SLC44A5: variants seen among roughly 807,000 people sequenced by gnomAD.
SLC44A5 encodes the protein choline transporter-like protein 5.
SLC44A5 carries 57 observed loss-of-function variants against 101.8 expected under a neutral mutation model. That is an observed-to-expected ratio of 0.56 (90% confidence interval 0.45 to 0.70). SLC44A5 has a LOEUF of 0.70. Ranked by LOEUF, SLC44A5 falls within the 30% of genes least tolerant of loss-of-function variation. The pLI is 0.00. For missense variants in SLC44A5, 737 were observed against 853.1 expected, an observed-to-expected ratio of 0.86 and a Z score of 1.70; for synonymous variants, 281 against 290.9, an observed-to-expected ratio of 0.97 and a Z score of 0.35.
chr1:75,240,446 A>C (rs1648514704), intron 9 of SLC44A5, among the ~76,000 whole-genome samples: 6 of 152,128 alleles, frequency 3.9e-5, no homozygotes, highest in Non-Finnish European at 1.5e-5. Flanking sequence ...CCCAAGGTAT[A>C]CTTTATCCTG....
At chr1:75,571,341 A>T (rs945305691) in intron 1 of SLC44A5, among the ~76,000 whole-genome samples, 1 of 152,204 alleles carries the variant, frequency 6.6e-6, no homozygotes, top group African/African-American at 2.4e-5. Flanking sequence ...AACACAGAGG[A>T]TATATCCAGA....
At chr1:75,222,326 A>G in intron 14 of SLC44A5, 35 bp downstream of exon 14, 2 of 1,452,978 alleles carry the variant, frequency 1.4e-6, no homozygotes, top group Non-Finnish European at 1.9e-6. Flanking sequence ...ACTGACTGAT[A>G]CACTTTAGCT....
chr1:75,526,709 T>C (rs1229231085), intron 2 of SLC44A5, among the ~76,000 whole-genome samples: 1 of 152,208 alleles, frequency 6.6e-6, no homozygotes, highest in Non-Finnish European at 1.5e-5. Flanking sequence ...GCCTTTAATA[T>C]GCAATTAAGA....
At chr1:75,352,478 A>T (rs115473011) in intron 3 of SLC44A5, among the ~76,000 whole-genome samples, 4,180 of 152,150 alleles carry the variant, frequency 0.027, 173 homozygotes, top group African/African-American at 0.089. Flanking sequence ...AACATGAGCA[A>T]GAGACTTGGA....
intron 1 of SLC44A5, among the ~76,000 whole-genome samples, chr1:75,575,655 T>G (rs537138190): frequency 6.6e-6 from 1 of 152,308 alleles, no homozygotes; most frequent in South Asian, 2.1e-4. Context: ...CTATCCTACT[T>G]AATACAGAGG....
the SLC44A5 span, among the ~76,000 whole-genome samples, chr1:75,672,724 C>G: frequency 6.6e-6 from 1 of 152,056 alleles, no homozygotes; most frequent in African/African-American, 2.4e-5. Context: ...AGAGAAGGGA[C>G]AGTAAAGAGA....
intron 6 of SLC44A5, among the ~76,000 whole-genome samples, chr1:75,273,099 G>T (rs569237017): frequency 6.6e-6 from 1 of 152,078 alleles, no homozygotes; most frequent in South Asian, 2.1e-4. Context: ...CTTTCACCTT[G>T]TTGGTTAAGT....
the SLC44A5 span, among the ~76,000 whole-genome samples, chr1:75,661,890 G>C: frequency 6.6e-6 from 1 of 152,064 alleles, no homozygotes. Context: ...GCTCGTGCAT[G>C]GTTGGTAGAA....
chr1:75,446,029 C>T (rs1425337155), intron 2 of SLC44A5, among the ~76,000 whole-genome samples: 1 of 152,040 alleles, frequency 6.6e-6, no homozygotes, highest in African/African-American at 2.4e-5. Context: ...AATTGAATTC[C>T]TCTCACCACC....
At chr1:75,451,788 A>G (rs1303629559) in intron 2 of SLC44A5, among the ~76,000 whole-genome samples, 2 of 152,128 alleles carry the variant, frequency 1.3e-5, no homozygotes, top group Non-Finnish European at 2.9e-5. Flanking sequence ...TAACTAAATC[A>G]GTCAGACAAA....
At chr1:75,411,638 A>G (rs934507927) in intron 2 of SLC44A5, among the ~76,000 whole-genome samples, 8 of 152,136 alleles carry the variant, frequency 5.3e-5, no homozygotes, top group Non-Finnish European at 7.4e-5. Context: ...ACGTACAGAG[A>G]GAACAAAACC....
At chr1:75,534,807 C>A (rs1335469403) in intron 2 of SLC44A5, among the ~76,000 whole-genome samples, 1 of 152,104 alleles carries the variant, frequency 6.6e-6, no homozygotes, top group African/African-American at 2.4e-5. Context: ...AAATTATAGG[C>A]AGACATACAG....
chr1:75,445,059 C>T (rs1284291922), intron 2 of SLC44A5, among the ~76,000 whole-genome samples: 2 of 152,120 alleles, frequency 1.3e-5, no homozygotes, highest in African/African-American at 2.4e-5. Flanking sequence ...CCTCATCTCA[C>T]TGATATGGTT....
chr1:75,322,399 A>T lies in SLC44A5; in HGVS notation c.101+17183T>A, dbSNP rs577885573. Among the ~76,000 whole-genome samples, 615 of 151,020 alleles carry T rather than the reference A, an allele frequency of 4.1e-3. 2 individuals are homozygous for T. Among genetic ancestry groups the T allele is most frequent in the African/African-American group, 8.5e-3 (350 of 41,280 alleles). On this transcript the variant is annotated intron_variant, in intron 4 of 23. Coordinates refer to ENST00000370859, the MANE Select transcript of SLC44A5 (RefSeq NM_001130058.2). The stretch of plus-strand genomic sequence containing the variant: ...CCTTATTATTTGCTCCCTCTTTTTA[A>T]AAAAAAAAAATCTCATTTCATCTGA...
At chr1:75,575,585 C>A (rs972963242) in intron 1 of SLC44A5, among the ~76,000 whole-genome samples, 1 of 152,156 alleles carries the variant, frequency 6.6e-6, no homozygotes, top group Admixed American at 6.5e-5. Context: ...TCTTTAAAAA[C>A]TGTGTTTTTT....
chr1:75,596,811 G>C (rs1300924966), intron 1 of SLC44A5, among the ~76,000 whole-genome samples: 1 of 152,088 alleles, frequency 6.6e-6, no homozygotes, highest in South Asian at 2.1e-4. Flanking sequence ...AAAACAATAA[G>C]AGCCATATAC....
At chr1:75,289,606 G>A (rs1037088309) in intron 5 of SLC44A5, among the ~76,000 whole-genome samples, 1 of 152,058 alleles carries the variant, frequency 6.6e-6, no homozygotes, top group Non-Finnish European at 1.5e-5. Flanking sequence ...AACTTCTGAT[G>A]CCAATAGGCA....
chr1:75,553,627 A>G (rs192498403), intron 1 of SLC44A5, among the ~76,000 whole-genome samples: 5 of 152,304 alleles, frequency 3.3e-5, no homozygotes, highest in Non-Finnish European at 1.5e-5. Flanking sequence ...ATGTCAATAA[A>G]AGATTCCATG....
At chr1:75,313,368 A>T (rs1655453271) in intron 4 of SLC44A5, among the ~76,000 whole-genome samples, 1 of 152,216 alleles carries the variant, frequency 6.6e-6, no homozygotes, top group South Asian at 2.1e-4. Context: ...TTCAAAGTAA[A>T]CTATTTCACT....
Sources: allele counts gnomAD v4.1 joint callset (sites outside exome capture counted in the v4.1 genomes callset), GRCh38; gene constraint gnomAD v4.1.1; transcripts MANE v1.5; gene names NCBI Gene and HGNC (gene_info 2026-07-23, HGNC 2026-07-21).